The following GINS3 variants were observed in gnomAD, a reference collection of about 807,000 sequenced individuals.
GINS3 encodes DNA replication complex GINS protein PSF3.
Under a neutral mutation model 20.0 loss-of-function variants are expected in GINS3, and 18 were observed. The observed-to-expected ratio is 0.90, with a 90% CI of 0.62 to 1.33. GINS3 has a LOEUF of 1.33. GINS3 is among the 40% of genes most tolerant of loss of function. The probability of loss-of-function intolerance (pLI) is 0.00; values close to 1 mark genes in which losing one functional copy is unlikely to be tolerated. For missense variants in GINS3, 254 were observed against 273.6 expected, an observed-to-expected ratio of 0.93 and a Z score of 0.51; for synonymous variants, 109 against 107.0, an observed-to-expected ratio of 1.02 and a Z score of -0.12.
At chr16:58,395,331 A>AT (rs1433932270) in intron 1 of GINS3, 16 of 173,026 alleles carry the variant, frequency 9.2e-5, no homozygotes, top group Admixed American at 3.8e-4. Context: ...GTATATATAT[A>AT]TATATATTTT....
chr16:58,403,029 T>A, intron 1 of GINS3, 69 bp from the exon 2 acceptor site: 1 of 1,279,612 alleles, frequency 7.8e-7, no homozygotes. Flanking sequence ...GATGTGTATT[T>A]CCTTTTCGTC....
chr16:58,399,981 T>C (rs1322892545), intron 1 of GINS3, among the ~76,000 whole-genome samples: 1 of 152,236 alleles, frequency 6.6e-6, no homozygotes, highest in Non-Finnish European at 1.5e-5. Context: ...TACCCACTTA[T>C]ATATTCTTTT....
intron 1 of GINS3, 74 bp downstream of exon 1, chr16:58,392,861 C>T: frequency 7.2e-7 from 1 of 1,394,506 alleles, no homozygotes; most frequent in African/African-American, 1.4e-5. Flanking sequence ...TGGGACGCCG[C>T]ATCGGGGCGC....
rs114405207 is a variant in GINS3 at position 58,398,933 on chromosome 16, G to A, written c.187-4165G>A. On this transcript the variant is annotated intron_variant, in intron 1 of 2. Coordinates refer to ENST00000318129, the MANE Select transcript of GINS3 (RefSeq NM_022770.4). The stretch of plus-strand genomic sequence containing the variant: ...AGTCATAGTGTGCAATAAATAATCC[G>A]TATGTGTAAATTAGCTCATTTGTTA... Among the ~76,000 whole-genome samples the A allele has an allele frequency of 5.2e-3, 786 of 152,240 alleles. 7 individuals carry two copies. Among genetic ancestry groups the A allele is most frequent in the African/African-American group, 0.016 (681 of 41,544 alleles).
chr16:58,400,884 G>A (rs1014309757), intron 1 of GINS3, among the ~76,000 whole-genome samples: 4 of 147,410 alleles, frequency 2.7e-5, no homozygotes, highest in African/African-American at 7.6e-5. Flanking sequence ...GTGTGATCTC[G>A]GCTCACTGTA....
intron 1 of GINS3, among the ~76,000 whole-genome samples, chr16:58,397,818 C>G (rs147793894): frequency 2.0e-5 from 3 of 151,182 alleles, no homozygotes; most frequent in African/African-American, 7.3e-5. Context: ...AGAGGGAGAC[C>G]GTGGGGAGAG....
At chr16:58,395,964 G>A (rs1367082583) in intron 1 of GINS3, among the ~76,000 whole-genome samples, 8 of 136,752 alleles carry the variant, frequency 5.9e-5, no homozygotes, top group Non-Finnish European at 1.1e-4. Context: ...CGGGGGGCTG[G>A]CCCCCCCACC....
At chr16:58,401,715 C>T (rs772299106) in intron 1 of GINS3, among the ~76,000 whole-genome samples, 3 of 152,238 alleles carry the variant, frequency 2.0e-5, no homozygotes, top group Admixed American at 6.5e-5. Flanking sequence ...GGATTACAGG[C>T]GTGAGCCACC....
Position 58,404,862 on chromosome 16 carries a change from A to G in GINS3, c.*133A>G. 2.9e-6 allele frequency: 2 copies of G among 688,188 alleles called. No individual in the cohort carries two copies. Among genetic ancestry groups the G allele is most frequent in the African/African-American group, 1.8e-5 (1 of 55,802 alleles). 42.6% of individuals were successfully genotyped at this position (688,188 alleles called of 1,614,324 possible). A position where few individuals can be genotyped will look rare whatever the true frequency, so the allele number is the denominator to read the frequency against. ...TTATTTCCTGTGGCCATAGAGAATT[A>G]TAGGGAACTGGACATGCTGGAGGAT... On this transcript the variant is annotated 3_prime_UTR_variant, in exon 3 of 3. Coordinates refer to ENST00000318129, the MANE Select transcript of GINS3 (RefSeq NM_022770.4).
In GINS3 at chr16:58,403,268, TG is replaced by T; in HGVS notation, c.359del (p.Gly120AlafsTer46). ...AAATGGGGCCCCATTTCTACGGGTT[TG>T]GCTCCCAGCTCCTGCATTTTGACAG... Reference protein sequence around the residue: ...HKMGPHFYGFGSQLLHFDSPE... With the variant: ...HKMGPHFYGFXSQLLHFDSPE... On this transcript the variant is annotated frameshift_variant, in exon 2 of 3. Transcript: ENST00000318129. LOFTEE classifies it high-confidence loss of function. The T allele has an allele frequency of 6.2e-7, 1 of 1,614,162 alleles. No individual in the cohort carries two copies.
intron 1 of GINS3, among the ~76,000 whole-genome samples, chr16:58,396,508 G>A (rs1295517555): frequency 0.017 from 2 of 120 alleles, no homozygotes; most frequent in African/African-American, 0.1. Flanking sequence ...GAGGCTGGCC[G>A]GGCGGGGGCT....
intron 1 of GINS3, among the ~76,000 whole-genome samples, chr16:58,393,390 G>A (rs1965808870): frequency 6.6e-6 from 1 of 152,124 alleles, no homozygotes; most frequent in Admixed American, 6.5e-5. Flanking sequence ...CGGAACCCAA[G>A]GCCATATGGC....
chr16:58,398,145 C>A (rs1444366403), intron 1 of GINS3, among the ~76,000 whole-genome samples: 1 of 152,118 alleles, frequency 6.6e-6, no homozygotes, highest in East Asian at 1.9e-4. Flanking sequence ...ACCACACACA[C>A]ACACACAGAT....
intron 1 of GINS3, among the ~76,000 whole-genome samples, chr16:58,398,465 C>T (rs1383342779): frequency 6.6e-6 from 1 of 151,882 alleles, no homozygotes; most frequent in East Asian, 1.9e-4. Flanking sequence ...TTAAAAAAGC[C>T]GAGCATGGTA....
intron 1 of GINS3, among the ~76,000 whole-genome samples, chr16:58,394,435 C>T (rs563108218): frequency 1.3e-5 from 2 of 152,150 alleles, no homozygotes; most frequent in Non-Finnish European, 2.9e-5. Context: ...CAGCCTCCTC[C>T]ACCTCCTGGG....
chr16:58,396,047 G>T (rs908710641), intron 1 of GINS3, among the ~76,000 whole-genome samples: 1 of 144,544 alleles, frequency 6.9e-6, no homozygotes, highest in Non-Finnish European at 1.5e-5. Context: ...GGGCAGAGGC[G>T]CCCCTCACCT....
At chr16:58,399,003 A>C (rs960423923) in intron 1 of GINS3, among the ~76,000 whole-genome samples, 3 of 150,586 alleles carry the variant, frequency 2.0e-5, no homozygotes, top group Non-Finnish European at 4.4e-5. Context: ...TTTTTTTTCT[A>C]CTTTTTTTTT....
At chr16:58,401,898 T>C (rs981680513) in intron 1 of GINS3, among the ~76,000 whole-genome samples, 5 of 151,980 alleles carry the variant, frequency 3.3e-5, no homozygotes, top group African/African-American at 1.2e-4. Flanking sequence ...ATACTTGTTA[T>C]TCATAATGTT....
At chr16:58,395,383 AT>A (rs1394983325) in intron 1 of GINS3, among the ~76,000 whole-genome samples, 1 of 131,266 alleles carries the variant, frequency 7.6e-6, no homozygotes, top group East Asian at 2.2e-4. Context: ...GCAAAGGGGG[AT>A]TTGGCAGGGT....
Sources: gnomAD v4.1 joint callset for allele counts (sites outside exome capture counted in the v4.1 genomes callset) on GRCh38, gnomAD v4.1.1 for gene constraint, MANE v1.5 for transcripts, NCBI Gene and HGNC (gene_info 2026-07-23, HGNC 2026-07-21) for gene names.